Variants in GALNT13 observed in about 807,000 individuals in gnomAD.
GALNT13 encodes polypeptide N-acetylgalactosaminyltransferase 13.
A neutral mutation model predicts 64.2 loss-of-function variants in GALNT13; 28 were observed. The observed-to-expected ratio is 0.44, with a 90% CI of 0.32 to 0.60. The LOEUF is 0.60. Ranked by LOEUF, GALNT13 falls within the 20% of genes least tolerant of loss-of-function variation. The pLI is 0.05. For synonymous variants in GALNT13, 214 were observed against 224.6 expected, an observed-to-expected ratio of 0.95 and a Z score of 0.42; for missense variants, 577 against 669.8, an observed-to-expected ratio of 0.86 and a Z score of 1.53.
the GALNT13 span, among the ~76,000 whole-genome samples, chr2:153,647,236 G>C: frequency 6.6e-6 from 1 of 152,160 alleles, no homozygotes; most frequent in African/African-American, 2.4e-5. Flanking sequence ...ATTTTTTCAT[G>C]TATCTGTTGG....
chr2:153,697,492 A>G, the GALNT13 span, among the ~76,000 whole-genome samples: 2 of 152,092 alleles, frequency 1.3e-5, no homozygotes, highest in African/African-American at 2.4e-5. Context: ...ATTGGCTGAG[A>G]AAAAAAATGG....
the GALNT13 span, among the ~76,000 whole-genome samples, chr2:153,699,014 A>G: frequency 2.6e-5 from 4 of 152,070 alleles, no homozygotes; most frequent in Non-Finnish European, 5.9e-5. Flanking sequence ...CACGAGGTCA[A>G]GAGATCAAGA....
chr2:154,215,575 C>G (rs975547969), intron 4 of GALNT13, among the ~76,000 whole-genome samples: 1 of 152,170 alleles, frequency 6.6e-6, no homozygotes, highest in African/African-American at 2.4e-5. Context: ...TAGGTAGTAA[C>G]TATTTGCTCT....
At chr2:154,417,764 C>T (rs926948203) in intron 11 of GALNT13, among the ~76,000 whole-genome samples, 2 of 151,870 alleles carry the variant, frequency 1.3e-5, no homozygotes, top group Admixed American at 6.6e-5. Flanking sequence ...CACCCGCCTC[C>T]ACATCCCAAA....
chr2:153,545,963 G>A, the GALNT13 span, among the ~76,000 whole-genome samples: 1 of 152,164 alleles, frequency 6.6e-6, no homozygotes, highest in Non-Finnish European at 1.5e-5. Flanking sequence ...AATGTGGGGA[G>A]GGCCCTCACC....
chr2:153,260,334 C>T, the GALNT13 span, among the ~76,000 whole-genome samples: 69,013 of 151,994 alleles, frequency 0.45, 16,109 homozygotes, highest in Non-Finnish European at 0.5. Context: ...ATTAATATCC[C>T]TTTTCTTGCA....
At chr2:153,636,490 G>C in the GALNT13 span, among the ~76,000 whole-genome samples, 1 of 152,026 alleles carries the variant, frequency 6.6e-6, no homozygotes, top group Non-Finnish European at 1.5e-5. Flanking sequence ...GTGGTTAGCA[G>C]AAAATAATAA....
the GALNT13 span, among the ~76,000 whole-genome samples, chr2:153,763,508 G>T: frequency 6.6e-6 from 1 of 152,140 alleles, no homozygotes; most frequent in Non-Finnish European, 1.5e-5. Context: ...GAGTTTCCCT[G>T]CCCAGGCTCT....
chr2:153,105,256 A>G, the GALNT13 span, among the ~76,000 whole-genome samples: 1 of 152,008 alleles, frequency 6.6e-6, no homozygotes, highest in Non-Finnish European at 1.5e-5. Context: ...ATATAAACAG[A>G]ACCAAAGACA....
At chr2:153,406,470 C>G in the GALNT13 span, among the ~76,000 whole-genome samples, 1 of 151,934 alleles carries the variant, frequency 6.6e-6, no homozygotes, top group Non-Finnish European at 1.5e-5. Context: ...TGCAGTGGTC[C>G]GATCCTGGCT....
At chr2:153,773,125 AT>A in the GALNT13 span, among the ~76,000 whole-genome samples, 1 of 152,224 alleles carries the variant, frequency 6.6e-6, no homozygotes, top group Non-Finnish European at 1.5e-5. Flanking sequence ...CTGGCCTGGT[AT>A]TCCTTGACCA....
the GALNT13 span, among the ~76,000 whole-genome samples, chr2:153,106,756 A>AT: frequency 1.3e-5 from 2 of 152,036 alleles, no homozygotes; most frequent in Non-Finnish European, 2.9e-5. Context: ...TGGAAGAAAT[A>AT]TTTTTTTCCA....
At chr2:153,790,536 T>C in the GALNT13 span, among the ~76,000 whole-genome samples, 1 of 152,128 alleles carries the variant, frequency 6.6e-6, no homozygotes, top group East Asian at 1.9e-4. Flanking sequence ...CTTTGAAAAC[T>C]GGCACAAGAC....
the GALNT13 span, among the ~76,000 whole-genome samples, chr2:153,834,047 T>A: frequency 2.0e-5 from 3 of 152,166 alleles, no homozygotes; most frequent in Non-Finnish European, 2.9e-5. Flanking sequence ...TACTCAATTT[T>A]GTTTTTATCA....
At chr2:153,511,756 G>A in the GALNT13 span, among the ~76,000 whole-genome samples, 2 of 152,172 alleles carry the variant, frequency 1.3e-5, no homozygotes, top group African/African-American at 2.4e-5. Flanking sequence ...ACTGAAGCGG[G>A]AGTTTTATGG....
At chr2:153,788,608 C>T in the GALNT13 span, among the ~76,000 whole-genome samples, 1 of 152,030 alleles carries the variant, frequency 6.6e-6, no homozygotes, top group African/African-American at 2.4e-5. Context: ...TCAATATTAA[C>T]CTTTAATGTA....
At chr2:154,439,017 CCTAT>C (rs1272554778) in intron 12 of GALNT13, among the ~76,000 whole-genome samples, 6 of 152,028 alleles carry the variant, frequency 3.9e-5, no homozygotes, top group African/African-American at 2.4e-5. Context: ...GTAAGCTAAG[CCTAT>C]CTGAGAGGTT....
the GALNT13 span, among the ~76,000 whole-genome samples, chr2:153,692,433 T>C: frequency 6.6e-6 from 1 of 152,226 alleles, no homozygotes; most frequent in Non-Finnish European, 1.5e-5. Context: ...GATACATATA[T>C]GTGATTATTC....
chr2:153,674,471 A>G, the GALNT13 span, among the ~76,000 whole-genome samples: 2 of 152,216 alleles, frequency 1.3e-5, no homozygotes, highest in Admixed American at 6.5e-5. Flanking sequence ...TATCTAATCA[A>G]TGGTGCTGGG....
Sources: allele counts gnomAD v4.1 joint callset (sites outside exome capture counted in the v4.1 genomes callset), GRCh38; gene constraint gnomAD v4.1.1; transcripts MANE v1.5; gene names NCBI Gene and HGNC (gene_info 2026-07-23, HGNC 2026-07-21).